Variants in ELFN2 observed in about 807,000 individuals in gnomAD.
The protein encoded by ELFN2 is protein phosphatase 1 regulatory subunit 29.
ELFN2 carries 17 observed loss-of-function variants against 45.5 expected under a neutral mutation model. The observed-to-expected ratio is 0.37, with a 90% CI of 0.26 to 0.56. The LOEUF is 0.56. ELFN2 is among the 20% of genes least tolerant of loss of function. The pLI is 0.77. For synonymous variants in ELFN2, 550 were observed against 551.5 expected (o/e 1.00, Z 0.04); for missense variants, 922 against 1,183.2 (o/e 0.78, Z 3.24).
chr22:37,365,413 A>C (rs4821650), downstream of ELFN2, among the ~76,000 whole-genome samples: 112,581 of 152,126 alleles, frequency 0.74, 41,821 homozygotes, highest in South Asian at 0.8. Context: ...CCCAGCAGAG[A>C]CCAGGGAACT....
At chr22:37,348,353 A>AAAC (rs1349404524) in intron 1 of ELFN2, among the ~76,000 whole-genome samples, 5 of 137,546 alleles carry the variant, frequency 3.6e-5, no homozygotes, top group Admixed American at 7.0e-5. Flanking sequence ...AGGGGCTTCC[A>AAAC]GGCTCAGTGG....
chr22:37,406,306 T>C (rs2145676906), intron 2 of ELFN2, among the ~76,000 whole-genome samples: 1 of 152,286 alleles, frequency 6.6e-6, no homozygotes, highest in East Asian at 1.9e-4. Context: ...TGATTGGATA[T>C]GAAGACCTGG....
chr22:37,350,782 C>T (rs1293326598), intron 1 of ELFN2, among the ~76,000 whole-genome samples: 2 of 150,006 alleles, frequency 1.3e-5, no homozygotes, highest in East Asian at 1.9e-4. Context: ...CGCTGGGAGG[C>T]GGGACAGGCA....
chr22:37,380,993 A>G (rs895215731), intron 2 of ELFN2, among the ~76,000 whole-genome samples: 2 of 152,170 alleles, frequency 1.3e-5, no homozygotes, highest in African/African-American at 4.8e-5. Context: ...TTTCCAGCAC[A>G]ATGAGCCCTT....
At chr22:37,425,313 T>A (rs1290495142) in intron 1 of ELFN2, among the ~76,000 whole-genome samples, 3 of 152,166 alleles carry the variant, frequency 2.0e-5, no homozygotes, top group African/African-American at 7.2e-5. Flanking sequence ...AGAACCTCCT[T>A]CGGGGGTTCC....
chr22:37,378,455 G>T (rs1183263425), intron 2 of ELFN2, among the ~76,000 whole-genome samples: 2 of 152,222 alleles, frequency 1.3e-5, no homozygotes, highest in Middle Eastern at 3.2e-3. Flanking sequence ...CCTGCCAAAG[G>T]ATGCGAAGAG....
chr22:37,414,653 G>A (rs4264657), intron 2 of ELFN2, among the ~76,000 whole-genome samples: 32,227 of 152,078 alleles, frequency 0.21, 5,101 homozygotes, highest in African/African-American at 0.45. Flanking sequence ...TTTTGCAGGT[G>A]AGAAAACTGA....
Position 37,374,025 on chromosome 22 carries a change from C to G in ELFN2, c.1510G>C (p.Glu504Gln). The part of the protein sequence containing the change: ...PKVATKGNYI[E>Q]VRTGAGGDGL... ...TCCCCGCCGGCGCCTGTGCGCACCT[C>G]GATATAGTTGCCTTTGGTGGCTACC... is the stretch of plus-strand genomic sequence containing the variant. The change falls in exon 3 of 3, where the codon GAG (glutamate) becomes CAG (glutamine). Residue 504 changes from glutamate to glutamine, a missense_variant. By Grantham distance (29) the Glu-to-Gln change is conservative (BLOSUM62 2). Around this residue, in one of 2 missense-constraint regions of ELFN2, gnomAD observed 564 missense variants for 642.8 expected, o/e 0.88. Transcript: ENST00000402918. The G allele has an allele frequency of 6.2e-7, 1 of 1,613,218 alleles. No individual in the cohort carries two copies. The highest frequency in any genetic ancestry group is 1.1e-5 in the South Asian group (1 of 91,088).
chr22:37,391,544 G>A (rs900817803), intron 2 of ELFN2, among the ~76,000 whole-genome samples: 2 of 152,140 alleles, frequency 1.3e-5, no homozygotes, highest in African/African-American at 4.8e-5. Context: ...AGGGAACTGA[G>A]GCTGAGAAAT....
chr22:37,372,058 C>CT lies in ELFN2; in HGVS notation c.*1013dup, dbSNP rs1931382671. On this transcript the variant is annotated 3_prime_UTR_variant, in exon 3 of 3. Coordinates refer to ENST00000402918, the MANE Select transcript of ELFN2 (RefSeq NM_052906.5). The surrounding 1 kb of genome is among the most constrained non-coding windows in gnomAD (Gnocchi z 4.4). Reference sequence around the variant, plus strand: ...GCCCTCCAGGCATCACAGTGCACCGCTGCCCTTCTGCGGTGGGCAGGGGTC... The same window carrying CT: ...GCCCTCCAGGCATCACAGTGCACCGCTTGCCCTTCTGCGGTGGGCAGGGGTC... The CT allele has an allele frequency of 6.6e-6, 1 of 152,474 alleles. No individual in the cohort carries two copies. The highest frequency in any genetic ancestry group is 2.4e-5 in the African/African-American group (1 of 41,436). 9.4% of individuals were successfully genotyped at this position (152,474 alleles called of 1,614,324 possible).
intron 2 of ELFN2, among the ~76,000 whole-genome samples, chr22:37,381,994 A>C (rs903616306): frequency 1.4e-5 from 2 of 143,126 alleles, no homozygotes; most frequent in African/African-American, 5.2e-5. Flanking sequence ...AAAAAAAAGA[A>C]TCTTCAATAT....
chr22:37,378,389 C>T (rs1931642565), intron 2 of ELFN2, among the ~76,000 whole-genome samples: 1 of 152,258 alleles, frequency 6.6e-6, no homozygotes, highest in Non-Finnish European at 1.5e-5. Context: ...TCCCCACAGC[C>T]AGACCCAGGG....
At chr22:37,412,034 G>A (rs924403924) in intron 2 of ELFN2, among the ~76,000 whole-genome samples, 1 of 151,726 alleles carries the variant, frequency 6.6e-6, no homozygotes, top group African/African-American at 2.4e-5. Flanking sequence ...TCTCTCCTCC[G>A]ACATTCAGAA....
At chr22:37,347,136 G>A (rs1930716654) in intron 1 of ELFN2, among the ~76,000 whole-genome samples, 1 of 151,926 alleles carries the variant, frequency 6.6e-6, no homozygotes, top group Admixed American at 6.6e-5. Context: ...GCGCCATTAC[G>A]CCCAGCTAAT....
chr22:37,360,390 A>G (rs1931055472), intron 1 of ELFN2, among the ~76,000 whole-genome samples: 1 of 152,208 alleles, frequency 6.6e-6, no homozygotes, highest in Admixed American at 6.5e-5. Context: ...CCTTTTCCTC[A>G]TTGGAGTACA....
chr22:37,396,203 A>G (rs181721730), intron 2 of ELFN2, among the ~76,000 whole-genome samples: 1 of 152,348 alleles, frequency 6.6e-6, no homozygotes, highest in Non-Finnish European at 1.5e-5. Flanking sequence ...ATTATTTTAT[A>G]AACTAAGTAT....
chr22:37,402,599 A>C (rs149468154), intron 2 of ELFN2, among the ~76,000 whole-genome samples: 70 of 140,784 alleles, frequency 5.0e-4, no homozygotes, highest in African/African-American at 1.7e-3. Flanking sequence ...GTTCCCAAGG[A>C]AGGGGCTGTG....
intron 2 of ELFN2, among the ~76,000 whole-genome samples, chr22:37,402,494 G>C (rs768260297): frequency 3.9e-5 from 6 of 152,178 alleles, no homozygotes; most frequent in Non-Finnish European, 8.8e-5. Context: ...CCTCTCAAAA[G>C]CCTTTCCAAC....
At chr22:37,345,547 CTTT>C (rs3041585) in intron 1 of ELFN2, among the ~76,000 whole-genome samples, 29,439 of 134,806 alleles carry the variant, frequency 0.22, 3,158 homozygotes, top group African/African-American at 0.32. Context: ...TTGTTGTTGT[CTTT>C]TTTTTTTTTT....
Sources: gnomAD v4.1 joint callset for allele counts (sites outside exome capture counted in the v4.1 genomes callset) on GRCh38, gnomAD v4.1.1 for gene constraint, gnomAD v4.1.1 regional missense constraint, Gnocchi (gnomAD v3.1) non-coding constraint, MANE v1.5 for transcripts, NCBI Gene and HGNC (gene_info 2026-07-23, HGNC 2026-07-21) for gene names.